Variants in CSE1L observed in about 807,000 individuals in gnomAD.
The protein encoded by CSE1L is exportin-2.
In CSE1L, 24 loss-of-function variants were observed where a neutral mutation model predicts 120.4. That is an observed-to-expected ratio of 0.20 (90% confidence interval 0.14 to 0.28). The LOEUF is 0.28. Among genes scored for constraint, CSE1L ranks in the 10% least tolerant of loss-of-function variants. The pLI, the probability that CSE1L is intolerant of heterozygous loss-of-function variation, is 1.00. For missense variants in CSE1L, 830 were observed against 1,145.2 expected (o/e 0.72, Z 3.97); for synonymous variants, 402 against 398.3 (o/e 1.01, Z -0.11).
At chr20:49,054,141 C>T (rs1568761422) in intron 1 of CSE1L, among the ~76,000 whole-genome samples, 1 of 152,132 alleles carries the variant, frequency 6.6e-6, no homozygotes, top group Non-Finnish European at 1.5e-5. Context: ...ATTTTCACAC[C>T]TATAGAGTGG....
intron 2 of CSE1L, among the ~76,000 whole-genome samples, chr20:49,061,486 A>ATTTATTTAT (rs55830077): frequency 4.1e-4 from 55 of 132,952 alleles, no homozygotes; most frequent in East Asian, 2.1e-3. Flanking sequence ...AATTATTATT[A>ATTTATTTAT]TTATTTATTT....
At position 49,090,920 on chromosome 20, in the gene CSE1L, T is replaced by A. The variant is rs758585674; in HGVS notation, c.2280-17T>A. The A allele has an allele frequency of 1.4e-5, 22 of 1,598,042 alleles. No homozygotes were observed. Among genetic ancestry groups the A allele is most frequent in the Non-Finnish European group, 1.9e-5 (22 of 1,170,276 alleles). On this transcript the variant is annotated splice_polypyrimidine_tract_variant and intron_variant, in intron 20 of 24. Coordinates refer to ENST00000262982, the MANE Select transcript of CSE1L (RefSeq NM_001316.4). ...AAAGTCCTAAATTTATATTGTTGATTTTTTTTAATTCTTTAGTGAATCAGT... is the reference window on the plus strand; with the variant it reads ...AAAGTCCTAAATTTATATTGTTGATATTTTTTAATTCTTTAGTGAATCAGT...
At position 49,058,563 on chromosome 20, in the gene CSE1L, C is replaced by T. The variant is rs532820443; in HGVS notation, c.85+15C>T. 5.0e-5 allele frequency: 81 copies of T among 1,605,406 alleles called. No homozygotes were observed. The highest frequency in any genetic ancestry group is 1.8e-4 in the South Asian group (16 of 90,746). On this transcript the variant is annotated intron_variant, in intron 2 of 24. Transcript: ENST00000262982. ...CCGACGTCCAGGTAAAGAAAATAAA[C>T]GTTTTTTGGTTGATTAATTCCTTCA...
chr20:49,089,671 T>C lies in CSE1L; in HGVS notation c.2106T>C (p.Pro702=), dbSNP rs1422196130. The C allele has an allele frequency of 6.2e-7, 1 of 1,614,124 alleles. No homozygotes were observed. The highest frequency in any genetic ancestry group is 8.5e-7 in the Non-Finnish European group (1 of 1,180,038). The change falls in exon 19 of 25, where the codon CCT becomes CCC. Residue 702 remains proline (P), a synonymous_variant. Coordinates refer to ENST00000262982, the MANE Select transcript of CSE1L (RefSeq NM_001316.4). ...TTTGGGAAAGAACAGGAAATATTCC[T>C]GCTCTAGTGAGGCTTCTTCAAGCAT... ...PVLWERTGNI[P]ALVRLLQAFL... is the part of the protein sequence containing the mutation.
chr20:49,065,312 A>ATTTTTTTTTTTTTTT (rs1568769017), intron 3 of CSE1L, among the ~76,000 whole-genome samples: 3 of 79,398 alleles, frequency 3.8e-5, no homozygotes, highest in Non-Finnish European at 4.8e-5. Context: ...ATGAAAAAAA[A>ATTTTTTTTTTTTTTT]ATTTTTTTTT....
chr20:49,058,840 G>C (rs1335636695), intron 2 of CSE1L, among the ~76,000 whole-genome samples: 1 of 152,114 alleles, frequency 6.6e-6, no homozygotes, highest in Non-Finnish European at 1.5e-5. Flanking sequence ...CTTAAAACAT[G>C]CCTGCTTTAG....
intron 14 of CSE1L, among the ~76,000 whole-genome samples, chr20:49,083,631 C>T (rs1360219491): frequency 6.6e-6 from 1 of 152,074 alleles, no homozygotes; most frequent in Non-Finnish European, 1.5e-5. Flanking sequence ...AGATTGTTCT[C>T]GTATTTGTTG....
chr20:49,075,955 C>G (rs1006746340), intron 12 of CSE1L, among the ~76,000 whole-genome samples: 1 of 151,866 alleles, frequency 6.6e-6, no homozygotes, highest in Non-Finnish European at 1.5e-5. Flanking sequence ...CCTCAGCGTC[C>G]CAAGTAACTG....
chr20:49,092,168 T>C (rs776641929), intron 22 of CSE1L, 41 bp downstream of exon 22: 169 of 1,206,560 alleles, frequency 1.4e-4, no homozygotes, highest in Non-Finnish European at 2.0e-4. Flanking sequence ...AGAAAATGTT[T>C]TGACTTTTTT....
At chr20:49,077,349 G>A (rs947433282) in intron 13 of CSE1L, among the ~76,000 whole-genome samples, 22 of 151,850 alleles carry the variant, frequency 1.4e-4, no homozygotes, top group African/African-American at 4.8e-4. Context: ...TAGTAGAGAC[G>A]GGGTTTCCCC....
At position 49,084,153 on chromosome 20, in the gene CSE1L, A is replaced by C. The variant is rs748911172; in HGVS notation, c.1610A>C (p.Asn537Thr). Reference sequence around the variant, plus strand: ...CTCTTTACTATGCGAGGGCCTAACAATGCCACTCTGTGAGTATTTTATTCT... The same window carrying C: ...CTCTTTACTATGCGAGGGCCTAACACTGCCACTCTGTGAGTATTTTATTCT... ...ERLFTMRGPNNATLFTAAEIA... is the reference protein window; with the variant it reads ...ERLFTMRGPNTATLFTAAEIA... The change falls in exon 15 of 25, where the codon AAT becomes ACT. Residue 537 changes from asparagine (N) to threonine (T), a missense_variant. Asn to Thr is a moderately conservative substitution (Grantham distance 65). This residue lies in a region of CSE1L where 543 missense variants were observed against 640.2 expected (regional missense o/e 0.85). Transcript: ENST00000262982. 6.2e-7 allele frequency: 1 copy of C among 1,613,994 alleles called. No individual in the cohort carries two copies. Among genetic ancestry groups the C allele is most frequent in the Non-Finnish European group, 8.5e-7 (1 of 1,179,918 alleles).
At chr20:49,052,363 AAC>A (rs1422372749) in intron 1 of CSE1L, among the ~76,000 whole-genome samples, 1 of 152,236 alleles carries the variant, frequency 6.6e-6, no homozygotes, top group Admixed American at 6.5e-5. Flanking sequence ...GGTAATTGCT[AAC>A]ACAGTAAAAC....
At chr20:49,095,218 A>T (rs1344806449) in intron 24 of CSE1L, 3 of 578,318 alleles carry the variant, frequency 5.2e-6, no homozygotes, top group Non-Finnish European at 9.3e-6. Context: ...TAGAAATGTA[A>T]TAAGGCTGTA....
Position 49,085,478 on chromosome 20 carries a change from A to C in CSE1L, c.1723+92A>C, listed in dbSNP as rs950720173. 2.3e-5 allele frequency: 17 copies of C among 755,224 alleles called. No individual in the cohort carries two copies. The East Asian group carries it at 4.4e-4, about 20-fold the overall frequency. 46.8% of individuals were successfully genotyped at this position (755,224 alleles called of 1,614,324 possible). On this transcript the variant is annotated intron_variant, in intron 16 of 24. Coordinates refer to ENST00000262982, the MANE Select transcript of CSE1L (RefSeq NM_001316.4). The stretch of plus-strand genomic sequence containing the variant: ...AGTTATACTTCAGGTTATACAGTCT[A>C]TGAACCAGATAATGTTTACCAAGTA...
rs143358483 is a variant in CSE1L at position 49,088,058 on chromosome 20, C to T, written c.1773C>T (p.Ile591=). The T allele has an allele frequency of 4.2e-4, 669 of 1,610,996 alleles. 5 individuals carry two copies. In the Admixed American group the frequency reaches 0.01, roughly 25 times the overall value. The change falls in exon 17 of 25, where the codon ATC becomes ATT. Residue 591 remains isoleucine, a synonymous_variant. Coordinates refer to ENST00000262982, the MANE Select transcript of CSE1L (RefSeq NM_001316.4). ...SLLQEAIIPY[I]PTLITQLTQK... is the part of the protein sequence containing the mutation. ...TACAAGAAGCCATAATCCCCTACAT[C>T]CCTACTCTCATCACTCAGCTTACAC...
chr20:49,065,311 A>T (rs959131903), intron 3 of CSE1L, among the ~76,000 whole-genome samples: 6 of 66,928 alleles, frequency 9.0e-5, no homozygotes, highest in African/African-American at 2.1e-4. Flanking sequence ...AATGAAAAAA[A>T]AATTTTTTTT....
chr20:49,050,710 C>T (rs879534571), intron 1 of CSE1L, among the ~76,000 whole-genome samples: 2 of 151,998 alleles, frequency 1.3e-5, no homozygotes, highest in Non-Finnish European at 2.9e-5. Flanking sequence ...CGCGCCCGGC[C>T]TGAGCCCAGC....
At chr20:49,091,135 A>C (rs2092098178) in intron 21 of CSE1L, 113 bp downstream of exon 21, 4 of 795,964 alleles carry the variant, frequency 5.0e-6, no homozygotes, top group Non-Finnish European at 8.2e-6. Flanking sequence ...TATGCAAAAA[A>C]TACTTGGCCA....
intron 12 of CSE1L, among the ~76,000 whole-genome samples, chr20:49,076,071 A>T (rs745981990): frequency 6.6e-6 from 1 of 152,226 alleles, no homozygotes; most frequent in Non-Finnish European, 1.5e-5. Context: ...ACCTCGTGTG[A>T]TCCTCACACC....
Sources: allele counts gnomAD v4.1 joint callset (sites outside exome capture counted in the v4.1 genomes callset), GRCh38; gene constraint gnomAD v4.1.1; regional missense constraint gnomAD v4.1.1; transcripts MANE v1.5; gene names NCBI Gene and HGNC (gene_info 2026-07-23, HGNC 2026-07-21).